Variants in ITPKB observed in about 807,000 individuals in gnomAD.
ITPKB encodes IP3 3-kinase B.
A neutral mutation model predicts 69.4 loss-of-function variants in ITPKB; 13 were observed. The observed-to-expected ratio is 0.19, with a 90% CI of 0.12 to 0.30. The LOEUF is 0.30. Ranked by LOEUF, ITPKB falls within the 10% of genes least tolerant of loss-of-function variation. The probability of loss-of-function intolerance (pLI) is 1.00; values close to 1 mark genes in which losing one functional copy is unlikely to be tolerated. For synonymous variants in ITPKB, 584 were observed against 513.7 expected, an observed-to-expected ratio of 1.14 and a Z score of -1.85; for missense variants, 1,240 against 1,250.5, an observed-to-expected ratio of 0.99 and a Z score of 0.13.
chr1:226,729,557 G>A (rs1657527597), intron 2 of ITPKB, among the ~76,000 whole-genome samples: 1 of 150,742 alleles, frequency 6.6e-6, no homozygotes, highest in African/African-American at 2.4e-5. Flanking sequence ...AATTATGGAA[G>A]CTATCGAAAA....
chr1:226,712,184 T>G (rs1656977525), intron 2 of ITPKB, among the ~76,000 whole-genome samples: 1 of 152,064 alleles, frequency 6.6e-6, no homozygotes, highest in South Asian at 2.1e-4. Context: ...TAAACCACCT[T>G]CCCACCGCAC....
intron 2 of ITPKB, among the ~76,000 whole-genome samples, chr1:226,654,113 A>G (rs960912958): frequency 6.6e-6 from 1 of 152,114 alleles, no homozygotes; most frequent in Non-Finnish European, 1.5e-5. Context: ...GAGGGGAGTG[A>G]TTCTTTGAAA....
intron 2 of ITPKB, among the ~76,000 whole-genome samples, chr1:226,721,041 CA>C (rs1260992874): frequency 7.2e-6 from 1 of 138,498 alleles, no homozygotes; most frequent in Non-Finnish European, 1.6e-5. Flanking sequence ...GACTCCATCT[CA>C]AAAAATAAAA....
At chr1:226,682,981 A>G (rs1656123312) in intron 2 of ITPKB, among the ~76,000 whole-genome samples, 1 of 152,190 alleles carries the variant, frequency 6.6e-6, no homozygotes, top group Non-Finnish European at 1.5e-5. Context: ...GGATTGTGTC[A>G]TCCGAAGCAG....
At chr1:226,707,282 G>A (rs1040758135) in intron 2 of ITPKB, 11 of 211,030 alleles carry the variant, frequency 5.2e-5, no homozygotes, top group Admixed American at 4.6e-4. Flanking sequence ...CGCAACCTCC[G>A]CCTCTCAGGT....
intron 2 of ITPKB, 150 bp downstream of exon 2, chr1:226,735,377 A>C: frequency 1.2e-6 from 1 of 836,268 alleles, no homozygotes; most frequent in Non-Finnish European, 1.7e-6. Flanking sequence ...CAGCAAACAC[A>C]CCTGGACAGA....
intron 2 of ITPKB, among the ~76,000 whole-genome samples, chr1:226,711,010 G>A (rs534015540): frequency 9.0e-4 from 137 of 152,268 alleles, no homozygotes; most frequent in African/African-American, 3.1e-3. Context: ...CTGAGCATGC[G>A]GCCTGTGCAA....
chr1:226,696,687 A>C (rs1656496720), intron 2 of ITPKB, among the ~76,000 whole-genome samples: 2 of 152,192 alleles, frequency 1.3e-5, no homozygotes, highest in African/African-American at 4.8e-5. Flanking sequence ...GCAATGAGGA[A>C]ATACGCACAC....
Position 226,669,486 on chromosome 1 carries a change from A to G in ITPKB, c.1933-20715T>C, listed in dbSNP as rs186616486. 1.7e-3 allele frequency among the ~76,000 whole-genome samples: 256 copies of G among 152,360 alleles called. 2 individuals carry two copies. The highest frequency in any genetic ancestry group is 6.0e-3 in the African/African-American group (249 of 41,582). ...CAACAAGAAGGTCCTAAGAGAACAG[A>G]AGGTGAGTCTTCTGGAATAACAAAG... On this transcript the variant is annotated intron_variant, in intron 2 of 7. Transcript: ENST00000429204.
intron 6 of ITPKB, among the ~76,000 whole-genome samples, chr1:226,639,213 A>G (rs1668902117): frequency 6.6e-6 from 1 of 152,010 alleles, no homozygotes; most frequent in Non-Finnish European, 1.5e-5. Flanking sequence ...ATGCGCCACC[A>G]TGTCCGGCTA....
chr1:226,728,357 A>G (rs1419423440), intron 2 of ITPKB, among the ~76,000 whole-genome samples: 2 of 152,244 alleles, frequency 1.3e-5, no homozygotes, highest in Non-Finnish European at 2.9e-5. Flanking sequence ...AGAAAAGATC[A>G]GATTTCTAAC....
At chr1:226,657,337 A>G (rs1669312469) in intron 2 of ITPKB, 1 of 152,224 alleles carries the variant, frequency 6.6e-6, no homozygotes, top group South Asian at 2.1e-4. Context: ...CATTTTCTAG[A>G]GGGGGTTTAC....
chr1:226,657,203 T>C (rs1313475272), intron 2 of ITPKB: 1 of 152,224 alleles, frequency 6.6e-6, no homozygotes, highest in Non-Finnish European at 1.5e-5. Context: ...CTGGTTCAAG[T>C]CACTGACGTT....
chr1:226,738,283 G>A lies in ITPKB; in HGVS notation c.-205-620C>T, dbSNP rs1571886005. On this transcript the variant is annotated intron_variant, in intron 1 of 7. Transcript: ENST00000429204. The surrounding 1 kb of genome is among the most constrained non-coding windows in gnomAD (Gnocchi z 4.2). ...CCTAGCCTTGGGGCTGTGTCTCTCG[G>A]CCTACGAAGGCCTGGGCGGGCAGCG... 1.3e-5 allele frequency among the ~76,000 whole-genome samples: 2 copies of A among 152,324 alleles called. No homozygotes were observed. The highest frequency in any genetic ancestry group is 3.9e-4 in the East Asian group (2 of 5,170).
At chr1:226,689,887 T>C (rs1335162940) in intron 2 of ITPKB, among the ~76,000 whole-genome samples, 1 of 152,192 alleles carries the variant, frequency 6.6e-6, no homozygotes, top group Non-Finnish European at 1.5e-5. Context: ...GGTTCCTGTG[T>C]TGGTTTGCTG....
At chr1:226,728,072 C>A (rs748548521) in intron 2 of ITPKB, among the ~76,000 whole-genome samples, 1 of 152,074 alleles carries the variant, frequency 6.6e-6, no homozygotes, top group Non-Finnish European at 1.5e-5. Context: ...TCTACTTATT[C>A]AAAGATGGGG....
intron 2 of ITPKB, among the ~76,000 whole-genome samples, chr1:226,700,925 T>G (rs1656622087): frequency 6.6e-6 from 1 of 152,216 alleles, no homozygotes; most frequent in African/African-American, 2.4e-5. Context: ...TTGTCATCAT[T>G]TGCAGCTTTT....
chr1:226,680,186 C>G (rs1333799680), intron 2 of ITPKB, among the ~76,000 whole-genome samples: 1 of 152,234 alleles, frequency 6.6e-6, no homozygotes, highest in Non-Finnish European at 1.5e-5. Flanking sequence ...GGCAGCGCAG[C>G]GCCCGCGACC....
intron 2 of ITPKB, among the ~76,000 whole-genome samples, chr1:226,693,890 T>C (rs1656416654): frequency 6.6e-6 from 1 of 152,232 alleles, no homozygotes; most frequent in East Asian, 1.9e-4. Context: ...CTACCCACAA[T>C]GGGTTCTCAC....
Sources: allele counts gnomAD v4.1 joint callset (sites outside exome capture counted in the v4.1 genomes callset), GRCh38; gene constraint gnomAD v4.1.1; non-coding constraint Gnocchi (gnomAD v3.1); transcripts MANE v1.5; gene names NCBI Gene and HGNC (gene_info 2026-07-23, HGNC 2026-07-21).